The following CNNM2 variants were observed in gnomAD, a reference collection of about 807,000 sequenced individuals.
CNNM2 encodes metal transporter CNNM2.
In CNNM2, 12 loss-of-function variants were observed where a neutral mutation model predicts 66.9. The ratio of observed to expected loss-of-function variants is 0.18; its 90% CI spans 0.11 to 0.29. The LOEUF (loss-of-function observed/expected upper bound fraction) is 0.29, where lower values mean the gene tolerates loss of function less well. Ranked by LOEUF, CNNM2 falls within the 10% of genes least tolerant of loss-of-function variation. The pLI, the probability that CNNM2 is intolerant of heterozygous loss-of-function variation, is 1.00. For missense variants in CNNM2, 705 were observed against 1,167.7 expected (o/e 0.60, Z 5.77); for synonymous variants, 557 against 501.8 (o/e 1.11, Z -1.47).
intron 2 of CNNM2, among the ~76,000 whole-genome samples, chr10:103,051,256 C>T (rs538234408): frequency 6.6e-6 from 1 of 152,054 alleles, no homozygotes; most frequent in East Asian, 1.9e-4. Flanking sequence ...CATGGTGAAA[C>T]TCCGTCTCTA....
Position 103,090,015 on chromosome 10 carries a change from A to C in CNNM2, c.*12835A>C. ...AGGTGGCCATGCAATTACATCTATAATGGACCACAGGACAAGTCAATATAG... is the reference window on the plus strand; with the variant it reads ...AGGTGGCCATGCAATTACATCTATACTGGACCACAGGACAAGTCAATATAG... On this transcript the variant is annotated 3_prime_UTR_variant, in exon 8 of 8. Transcript: ENST00000369878. 1.3e-6 allele frequency: 1 copy of C among 791,952 alleles called. No individual in the cohort carries two copies. Among genetic ancestry groups the C allele is most frequent in the Non-Finnish European group, 2.0e-6 (1 of 509,608 alleles). 49.1% of individuals were successfully genotyped at this position (791,952 alleles called of 1,614,324 possible).
intron 1 of CNNM2, among the ~76,000 whole-genome samples, chr10:102,978,274 GA>G (rs928000204): frequency 2.7e-5 from 4 of 149,976 alleles, no homozygotes; most frequent in Admixed American, 1.3e-4. Context: ...AACTGGACTC[GA>G]TTTTTTTTTT....
In CNNM2 at chr10:102,990,014, G is replaced by A. The variant is rs181412033; in HGVS notation, c.1622-59693G>A. On this transcript the variant is annotated intron_variant, in intron 1 of 7. Transcript: ENST00000369878. ...GGCTGCAGTGCAGTGGTGCAATCTCGTCTCACTGCAACCTCTCCCTCCCCG... is the reference window on the plus strand; with the variant it reads ...GGCTGCAGTGCAGTGGTGCAATCTCATCTCACTGCAACCTCTCCCTCCCCG... 6.0e-5 allele frequency among the ~76,000 whole-genome samples: 9 copies of A among 149,084 alleles called. No homozygotes were observed. The East Asian group carries it at 6.1e-4, about 10-fold the overall frequency.
At position 103,076,919 on chromosome 10, in the gene CNNM2, C is replaced by T. The variant is rs1017620513; in HGVS notation, c.2419-52C>T. 2.0e-6 allele frequency: 3 copies of T among 1,538,138 alleles called. No homozygotes were observed. The African/African-American group carries it at 4.1e-5, about 21-fold the overall frequency. On this transcript the variant is annotated intron_variant, in intron 7 of 7. Transcript: ENST00000369878. ...ATTGAACGTGTGGAGATCAGAGAAC[C>T]TAAAAATAAGCATTATCTTGGTTTG...
At chr10:102,974,733 C>T (rs1564827323) in intron 1 of CNNM2, among the ~76,000 whole-genome samples, 1 of 152,012 alleles carries the variant, frequency 6.6e-6, no homozygotes, top group South Asian at 2.1e-4. Flanking sequence ...GGCAGGGTCT[C>T]ACCATCGAGC....
At chr10:103,046,998 C>G (rs2065137422) in intron 1 of CNNM2, among the ~76,000 whole-genome samples, 1 of 152,134 alleles carries the variant, frequency 6.6e-6, no homozygotes, top group Non-Finnish European at 1.5e-5. Context: ...CAGAAGAATA[C>G]TGAATAATAT....
rs373729846 is a variant in CNNM2 at position 103,049,734 on chromosome 10, G to A, written c.1649G>A (p.Arg550Gln). ...KGKSHLAIVQ[R>Q]VNNEGEGDPF... ...AAATCTCACCTGGCTATCGTGCAGC[G>A]GGTAAACAATGAGGGAGAAGGGGAT... The change falls in exon 2 of 8, where the codon CGG (arginine) becomes CAG (glutamine). Residue 550 changes from arginine to glutamine, a missense_variant. Arg to Gln is a conservative substitution (Grantham distance 43). Transcript: ENST00000369878. The A allele has an allele frequency of 2.5e-6, 4 of 1,613,864 alleles. No homozygotes were observed. Among genetic ancestry groups the A allele is most frequent in the African/African-American group, 1.3e-5 (1 of 75,014 alleles).
chr10:102,973,022 A>G (rs933533728), intron 1 of CNNM2, among the ~76,000 whole-genome samples: 2 of 152,196 alleles, frequency 1.3e-5, no homozygotes, highest in African/African-American at 4.8e-5. Flanking sequence ...ACAGCATGAC[A>G]TAGTTTATTT....
chr10:102,986,312 G>A (rs1013719852), intron 1 of CNNM2, among the ~76,000 whole-genome samples: 3 of 151,946 alleles, frequency 2.0e-5, no homozygotes, highest in African/African-American at 7.3e-5. Context: ...GGAGTGCAGT[G>A]GTGTGATCTC....
In CNNM2 at chr10:102,919,075, G is replaced by A. The variant is rs984170802; in HGVS notation, c.595G>A (p.Ala199Thr). 9 of 1,611,936 alleles carry A rather than the reference G, an allele frequency of 5.6e-6. No individual in the cohort carries two copies. The highest frequency in any genetic ancestry group is 2.2e-5 in the East Asian group (1 of 44,828). Reference sequence around the variant, plus strand: ...CCTGTGCACGTCGCTCTCCACGCCCGCCCTGGGCGCCGGCGGCTCGGGGTC... The same window carrying A: ...CCTGTGCACGTCGCTCTCCACGCCCACCCTGGGCGCCGGCGGCTCGGGGTC... Reference protein sequence around the residue: ...YYLCTSLSTPALGAGGSGSTG... With the variant: ...YYLCTSLSTPTLGAGGSGSTG... Residue 199 changes from alanine (A) to threonine (T), a missense_variant, in exon 1 of 8, where the codon GCC becomes ACC. By Grantham distance (58) the Ala-to-Thr change is moderately conservative. Transcript: ENST00000369878.
intron 1 of CNNM2, among the ~76,000 whole-genome samples, chr10:102,988,983 A>G (rs1319880513): frequency 6.6e-6 from 1 of 152,206 alleles, no homozygotes; most frequent in African/African-American, 2.4e-5. Flanking sequence ...AGGATTTAGA[A>G]TAAGAAGTAC....
chr10:102,947,615 G>A (rs1357436098), intron 1 of CNNM2, among the ~76,000 whole-genome samples: 2 of 152,118 alleles, frequency 1.3e-5, no homozygotes, highest in African/African-American at 4.8e-5. Context: ...GCTGGGCGTA[G>A]TGGTGCACGC....
intron 2 of CNNM2, among the ~76,000 whole-genome samples, chr10:103,051,427 C>T (rs2065211100): frequency 1.3e-5 from 2 of 149,648 alleles, no homozygotes; most frequent in South Asian, 2.1e-4. Flanking sequence ...CAGACTCTCT[C>T]TCCAAAAAAT....
At chr10:103,029,773 G>GGA (rs2064786457) in intron 1 of CNNM2, among the ~76,000 whole-genome samples, 1 of 151,998 alleles carries the variant, frequency 6.6e-6, no homozygotes, top group Non-Finnish European at 1.5e-5. Context: ...GGCTGAGGCG[G>GGA]GAGAATCCCT....
rs34060850 is a variant in CNNM2, at chr10:103,004,308, C to T, written c.1622-45399C>T. Among the ~76,000 whole-genome samples the T allele has an allele frequency of 0.2, 30,913 of 151,978 alleles. 3,279 individuals are homozygous for T. Among genetic ancestry groups the T allele is most frequent in the Non-Finnish European group, 0.22 (15,073 of 67,962 alleles). On this transcript the variant is annotated intron_variant, in intron 1 of 7. Coordinates refer to ENST00000369878, the MANE Select transcript of CNNM2 (RefSeq NM_017649.5). ...TGAGCCACCATGCTCAGCCTCATTG[C>T]GTGATTATACCACACTTTATTCTTT...
chr10:103,049,879 C>G (rs771803923), intron 2 of CNNM2, 29 bp downstream of exon 2: 3 of 1,604,840 alleles, frequency 1.9e-6, no homozygotes, highest in African/African-American at 2.7e-5. Flanking sequence ...GTGTATTTCC[C>G]GAAACCTTTG....
chr10:103,037,968 C>T (rs773510317), intron 1 of CNNM2, among the ~76,000 whole-genome samples: 7 of 152,006 alleles, frequency 4.6e-5, no homozygotes, highest in Admixed American at 2.0e-4. Flanking sequence ...TCCTCCCAAG[C>T]AGCTGGGATT....
chr10:102,937,499 G>T (rs1327234301), intron 1 of CNNM2, among the ~76,000 whole-genome samples: 1 of 152,092 alleles, frequency 6.6e-6, no homozygotes, highest in African/African-American at 2.4e-5. Context: ...GCTTCCTTTT[G>T]TCTAAATAAA....
Position 103,025,003 on chromosome 10 carries a change from A to G in CNNM2, c.1622-24704A>G, listed in dbSNP as rs184720025. On this transcript the variant is annotated intron_variant, in intron 1 of 7. Coordinates refer to ENST00000369878, the MANE Select transcript of CNNM2 (RefSeq NM_017649.5). ...TGGTGTGCAATACTTTAGGTGGTAC[A>G]TATGGTCTGGTTATCCACTACTAAT... 5.3e-5 allele frequency among the ~76,000 whole-genome samples: 8 copies of G among 152,338 alleles called. No individual in the cohort carries two copies. In the East Asian group the frequency reaches 1.5e-3, roughly 29 times the overall value.
Sources: allele counts gnomAD v4.1 joint callset (sites outside exome capture counted in the v4.1 genomes callset), GRCh38; gene constraint gnomAD v4.1.1; transcripts MANE v1.5; gene names NCBI Gene and HGNC (gene_info 2026-07-23, HGNC 2026-07-21).